Variants in FHIT observed in about 807,000 individuals in gnomAD.
The protein encoded by FHIT is fragile histidine triad diadenosine triphosphatase, also known as bis(5'-adenosyl)-triphosphatase.
A neutral mutation model predicts 17.9 loss-of-function variants in FHIT; 19 were observed. That is an observed-to-expected ratio of 1.06 (90% CI 0.74 to 1.56). The LOEUF (loss-of-function observed/expected upper bound fraction) is 1.56, where lower values mean the gene tolerates loss of function less well. Among genes scored for constraint, FHIT ranks in the 40% most tolerant of loss-of-function variants. The probability of loss-of-function intolerance (pLI) is 0.00; values close to 1 mark genes in which losing one functional copy is unlikely to be tolerated. For missense variants in FHIT, 248 were observed against 189.2 expected (o/e 1.31, Z -1.82); for synonymous variants, 81 against 69.7 (o/e 1.16, Z -0.81).
chr3:60,070,379 G>A (rs1249563861), intron 5 of FHIT, among the ~76,000 whole-genome samples: 1 of 152,092 alleles, frequency 6.6e-6, no homozygotes, highest in Non-Finnish European at 1.5e-5. Context: ...TTTATCTACT[G>A]GTTCTTTCAA....
At chr3:60,015,717 T>C (rs1483527878) in intron 5 of FHIT, among the ~76,000 whole-genome samples, 7 of 152,200 alleles carry the variant, frequency 4.6e-5, no homozygotes, top group Non-Finnish European at 4.4e-5. Flanking sequence ...TTAGGCTATG[T>C]TCACACACAG....
At chr3:60,465,130 T>C (rs979645639) in intron 5 of FHIT, among the ~76,000 whole-genome samples, 1 of 152,224 alleles carries the variant, frequency 6.6e-6, no homozygotes, top group African/African-American at 2.4e-5. Flanking sequence ...TGATCAGTTA[T>C]GTTGAGAACC....
At chr3:61,186,165 A>C (rs1196152358) in intron 2 of FHIT, among the ~76,000 whole-genome samples, 1 of 152,238 alleles carries the variant, frequency 6.6e-6, no homozygotes, top group Admixed American at 6.5e-5. Context: ...CCAGGTGGTA[A>C]CTAAGTTATT....
At chr3:59,981,183 T>A (rs1708638163) in intron 7 of FHIT, among the ~76,000 whole-genome samples, 1 of 152,166 alleles carries the variant, frequency 6.6e-6, no homozygotes, top group South Asian at 2.1e-4. Context: ...TTAGAGCATC[T>A]CATGGAAATG....
chr3:60,971,122 CT>C (rs2107529104), intron 3 of FHIT, among the ~76,000 whole-genome samples: 2 of 152,192 alleles, frequency 1.3e-5, no homozygotes, highest in South Asian at 4.1e-4. Flanking sequence ...AATCCCAGCA[CT>C]TTGGGAGGTC....
At chr3:60,003,245 G>C (rs928220505) in intron 7 of FHIT, among the ~76,000 whole-genome samples, 2 of 152,130 alleles carry the variant, frequency 1.3e-5, no homozygotes, top group African/African-American at 4.8e-5. Context: ...CAGTAAGAAT[G>C]TTATCTGTGT....
chr3:60,925,176 C>T (rs570651105), intron 3 of FHIT, among the ~76,000 whole-genome samples: 16 of 152,150 alleles, frequency 1.1e-4, no homozygotes, highest in East Asian at 5.8e-4. Flanking sequence ...CTAGCAAGGA[C>T]GGCCAACATT....
intron 8 of FHIT, among the ~76,000 whole-genome samples, chr3:59,775,155 C>T (rs1053438533): frequency 6.6e-6 from 1 of 152,130 alleles, no homozygotes; most frequent in African/African-American, 2.4e-5. Flanking sequence ...GTTTGGACCC[C>T]CTAATTCCAG....
intron 7 of FHIT, among the ~76,000 whole-genome samples, chr3:60,003,187 T>C (rs1377685676): frequency 6.6e-6 from 1 of 152,126 alleles, no homozygotes; most frequent in African/African-American, 2.4e-5. Context: ...TCAGGTACAA[T>C]TCACATCCCA....
intron 3 of FHIT, among the ~76,000 whole-genome samples, chr3:60,955,611 T>TATATACATATATATATATATATAC (rs1553778525): frequency 1.8e-4 from 3 of 16,894 alleles, no homozygotes; most frequent in African/African-American, 3.7e-4. Context: ...TATATATATA[T>TATATACATATATATATATATATAC]ATATATATAT....
chr3:60,851,103 C>T (rs905106115), intron 3 of FHIT, among the ~76,000 whole-genome samples: 1 of 152,106 alleles, frequency 6.6e-6, no homozygotes, highest in East Asian at 1.9e-4. Flanking sequence ...AATTATAATG[C>T]TCTTGAAAAC....
At chr3:59,882,214 A>T (rs1426147938) in intron 8 of FHIT, among the ~76,000 whole-genome samples, 1 of 152,162 alleles carries the variant, frequency 6.6e-6, no homozygotes, top group African/African-American at 2.4e-5. Flanking sequence ...AAGTCTTAAA[A>T]TACATTTAGA....
chr3:60,562,191 A>G (rs1300231879), intron 4 of FHIT, among the ~76,000 whole-genome samples: 1 of 152,206 alleles, frequency 6.6e-6, no homozygotes, highest in Admixed American at 6.5e-5. Flanking sequence ...ATTAATCTAT[A>G]TTACTTTATT....
Position 59,814,074 on chromosome 3 carries a change from A to ACACACACACACC in FHIT, c.349-61754_349-61753insGGTGTGTGTGTG, listed in dbSNP as rs761314894. ...CACACACACACACACACACACACAC[A>ACACACACACACC]CCCGACGGTGAATTATTCAGGGAGG... On this transcript the variant is annotated intron_variant, in intron 8 of 9. Coordinates refer to ENST00000492590, the MANE Select transcript of FHIT (RefSeq NM_002012.4). 3.7e-4 allele frequency among the ~76,000 whole-genome samples: 56 copies of ACACACACACACC among 151,746 alleles called. 1 individual carries two copies. In the Middle Eastern group the frequency reaches 0.01, roughly 28 times the overall value.
intron 2 of FHIT, among the ~76,000 whole-genome samples, chr3:61,104,365 T>C (rs1221448133): frequency 6.6e-6 from 1 of 152,178 alleles, no homozygotes; most frequent in African/African-American, 2.4e-5. Flanking sequence ...GATTAGAATT[T>C]CTTTTCTTTA....
chr3:61,057,234 G>A (rs777701501), intron 2 of FHIT, among the ~76,000 whole-genome samples: 9 of 152,214 alleles, frequency 5.9e-5, no homozygotes, highest in South Asian at 2.1e-4. Flanking sequence ...TTGTAAACGT[G>A]TTATGGTTTC....
At chr3:59,973,660 T>G (rs1708284708) in intron 7 of FHIT, among the ~76,000 whole-genome samples, 1 of 152,168 alleles carries the variant, frequency 6.6e-6, no homozygotes, top group Admixed American at 6.6e-5. Flanking sequence ...ACCTCCCTGA[T>G]GGCAAGAACC....
intron 4 of FHIT, among the ~76,000 whole-genome samples, chr3:60,607,514 C>T (rs148795200): frequency 6.6e-6 from 1 of 151,932 alleles, no homozygotes; most frequent in East Asian, 1.9e-4. Context: ...ATTTTCAGAG[C>T]AACTCATCAG....
chr3:60,748,922 G>T (rs2042413249), intron 4 of FHIT, among the ~76,000 whole-genome samples: 1 of 152,136 alleles, frequency 6.6e-6, no homozygotes, highest in East Asian at 1.9e-4. Context: ...AGAGAAAAAA[G>T]TCTATACATG....
Sources: gnomAD v4.1 joint callset for allele counts (sites outside exome capture counted in the v4.1 genomes callset) on GRCh38, gnomAD v4.1.1 for gene constraint, MANE v1.5 for transcripts, NCBI Gene and HGNC (gene_info 2026-07-23, HGNC 2026-07-21) for gene names.